The following TEX15 variants were observed in gnomAD, a reference collection of about 807,000 sequenced individuals.
The protein encoded by TEX15 is testis-expressed protein 15.
Under a neutral mutation model 237.3 loss-of-function variants are expected in TEX15, and 171 were observed. The observed-to-expected ratio is 0.72, with a 90% CI of 0.64 to 0.82. The LOEUF (loss-of-function observed/expected upper bound fraction) is 0.82. Ranked by LOEUF, TEX15 falls within the 40% of genes least tolerant of loss-of-function variation. TEX15 has a pLI of 0.00. For missense variants in TEX15, 3,750 were observed against 3,646.5 expected (o/e 1.03, Z -0.73); for synonymous variants, 1,338 against 1,269.8 (o/e 1.05, Z -1.14).
chr8:30,858,585 A>G (rs543254628), intron 7 of TEX15, 83 bp downstream of exon 7: 2 of 1,233,880 alleles, frequency 1.6e-6, no homozygotes, highest in South Asian at 3.1e-5. Flanking sequence ...GGTGTGAACC[A>G]TTGTGTCCAG....
chr8:30,891,301 C>T (rs956452918), intron 2 of TEX15, among the ~76,000 whole-genome samples: 2 of 151,990 alleles, frequency 1.3e-5, no homozygotes, highest in Non-Finnish European at 2.9e-5. Context: ...GGATTACAGG[C>T]ACATGCCAAC....
In TEX15 at chr8:30,847,463, T is replaced by C. The variant is rs748905703; in HGVS notation, c.2704A>G (p.Lys902Glu). 1 of 1,612,130 alleles carries C rather than the reference T, an allele frequency of 6.2e-7. No individual in the cohort carries two copies. Among genetic ancestry groups the C allele is most frequent in the Non-Finnish European group, 8.5e-7 (1 of 1,179,562 alleles). Residue 902 changes from lysine to glutamate, a missense_variant, in exon 8 of 11, where the codon AAG (lysine) becomes GAG (glutamate). Physicochemically the swap from Lys to Glu is moderately conservative, Grantham distance 56. Coordinates refer to ENST00000643185, the MANE Select transcript of TEX15 (RefSeq NM_001350162.2). ...ATATTGTGGTAATTTTTGTCCTCCT[T>C]TTCATCTATATTGCTGAAATTTTCG... is the stretch of plus-strand genomic sequence containing the variant. ...TNENFSNIDE[K>E]EDKNYHNIEI... is the part of the protein sequence containing the mutation.
chr8:30,833,399 C>A, intron 10 of TEX15, 76 bp from the exon 11 acceptor site: 1 of 1,164,958 alleles, frequency 8.6e-7, no homozygotes, highest in Admixed American at 2.4e-5. Flanking sequence ...TGGAAAGAAC[C>A]TGAGTTTAAA....
intron 1 of TEX15, among the ~76,000 whole-genome samples, chr8:30,905,268 A>G (rs897950415): frequency 1.5e-4 from 23 of 151,850 alleles, no homozygotes; most frequent in African/African-American, 5.3e-4. Flanking sequence ...AGACTTCAAA[A>G]AAAAAAAAAA....
intron 8 of TEX15, 130 bp downstream of exon 8, chr8:30,841,874 T>C: frequency 1.8e-6 from 1 of 569,128 alleles, no homozygotes; most frequent in Non-Finnish European, 3.0e-6. Flanking sequence ...ATATTATAGT[T>C]AGTAAATTCA....
Position 30,842,681 on chromosome 8 carries a change from A to T in TEX15, c.7486T>A (p.Ser2496Thr). 2 of 1,612,948 alleles carry T rather than the reference A, an allele frequency of 1.2e-6. No individual in the cohort carries two copies. Among genetic ancestry groups the T allele is most frequent in the Non-Finnish European group, 1.7e-6 (2 of 1,179,830 alleles). ...VQCQEKMASFSFLKDNSTDVC... is the reference protein window; with the variant it reads ...VQCQEKMASFTFLKDNSTDVC... ...TCTGTTGAGTTATCTTTAAGAAATG[A>T]AAAAGAAGCCATTTTTTCTTGGCAC... The change falls in exon 8 of 11, where the codon TCA becomes ACA. Residue 2496 changes from serine to threonine, a missense_variant. Transcript: ENST00000643185.
intron 2 of TEX15, among the ~76,000 whole-genome samples, chr8:30,895,938 C>CA (rs1282493478): frequency 6.6e-6 from 1 of 152,116 alleles, no homozygotes; most frequent in Non-Finnish European, 1.5e-5. Flanking sequence ...CTTGGCCTCC[C>CA]AAAGTGCTGA....
chr8:30,840,098 C>T, intron 8 of TEX15, 134 bp from the exon 9 acceptor site: 1 of 474,234 alleles, frequency 2.1e-6, no homozygotes, highest in Non-Finnish European at 3.6e-6. Flanking sequence ...TAATTATCAC[C>T]TCCCTGCAGA....
In TEX15 at chr8:30,837,884, G is replaced by C; in HGVS notation, c.8400C>G (p.Asp2800Glu). Reference protein sequence around the residue: ...TCASKSESKIDLTVSSDHFSG... With the variant: ...TCASKSESKIELTVSSDHFSG... ...TGAAGTGATCAGATGAAACAGTTAA[G>C]TCTATTTTGCTTTCCGACTTTGATG... is the stretch of plus-strand genomic sequence containing the variant. The change falls in exon 10 of 11, where the codon GAC (aspartate) becomes GAG (glutamate). Residue 2800 changes from aspartate (D) to glutamate (E), a missense_variant. Transcript: ENST00000643185. The C allele has an allele frequency of 6.2e-7, 1 of 1,614,130 alleles. No homozygotes were observed. Among genetic ancestry groups the C allele is most frequent in the Non-Finnish European group, 8.5e-7 (1 of 1,180,018 alleles).
chr8:30,845,781 T>C lies in TEX15; in HGVS notation c.4386A>G (p.Lys1462=), dbSNP rs1303058453. Residue 1462 remains lysine (K), a synonymous_variant, in exon 8 of 11, where the codon AAA becomes AAG. Transcript: ENST00000643185. ...GGGTTAATGATTTAGAAATATCAGC[T>C]TTTGGAGCTCTTTTCTTTCTCCGTT... ...YDKRRKKRAP[K]ADISKSLTHV... is the part of the protein sequence containing the mutation. 3.1e-6 allele frequency: 5 copies of C among 1,611,790 alleles called. No homozygotes were observed. The highest frequency in any genetic ancestry group is 3.4e-6 in the Non-Finnish European group (4 of 1,179,270).
chr8:30,876,323 C>T (rs181076598), intron 3 of TEX15, among the ~76,000 whole-genome samples: 2 of 152,296 alleles, frequency 1.3e-5, no homozygotes, highest in African/African-American at 4.8e-5. Flanking sequence ...TTTCATATTG[C>T]ATCTATCACC....
chr8:30,880,609 T>C (rs1191723967), intron 3 of TEX15, among the ~76,000 whole-genome samples: 3 of 152,256 alleles, frequency 2.0e-5, no homozygotes, highest in African/African-American at 7.2e-5. Flanking sequence ...TATGATTTTC[T>C]TAGTAACATT....
intron 9 of TEX15, among the ~76,000 whole-genome samples, chr8:30,839,085 G>A (rs1356175403): frequency 6.6e-6 from 1 of 151,856 alleles, no homozygotes; most frequent in Non-Finnish European, 1.5e-5. Context: ...CAAAGTGCAG[G>A]GATTACAGGC....
chr8:30,895,656 C>G (rs1172770029), intron 2 of TEX15, among the ~76,000 whole-genome samples: 1 of 132,834 alleles, frequency 7.5e-6, no homozygotes, highest in East Asian at 2.2e-4. Flanking sequence ...GTTTACATGT[C>G]AACACCTTTT....
chr8:30,833,017 T>C lies in TEX15; in HGVS notation c.*269A>G, dbSNP rs1049831132. On this transcript the variant is annotated 3_prime_UTR_variant, in exon 11 of 11. Transcript: ENST00000643185. ...AAACATATCAGAAGCAAGAATCTAG[T>C]TTTAAAGATTTTACCACTATTGCTT... The C allele has an allele frequency of 2.2e-5, 6 of 272,312 alleles. No individual in the cohort carries two copies. Among genetic ancestry groups the C allele is most frequent in the Non-Finnish European group, 4.1e-5 (6 of 146,000 alleles). 16.9% of individuals were successfully genotyped at this position (272,312 alleles called of 1,614,324 possible). A position where few individuals can be genotyped will look rare whatever the true frequency, so the allele number is the denominator to read the frequency against.
At chr8:30,902,966 G>GA (rs1809033868) in intron 1 of TEX15, among the ~76,000 whole-genome samples, 1 of 152,170 alleles carries the variant, frequency 6.6e-6, no homozygotes, top group Admixed American at 6.5e-5. Context: ...GCCCCTCAGG[G>GA]AAAAGGCAAG....
At chr8:30,898,511 C>T (rs1808948936) in intron 2 of TEX15, among the ~76,000 whole-genome samples, 1 of 152,154 alleles carries the variant, frequency 6.6e-6, no homozygotes, top group Non-Finnish European at 1.5e-5. Context: ...TTATGAGTTA[C>T]CCAGTTTATA....
intron 3 of TEX15, among the ~76,000 whole-genome samples, chr8:30,885,019 CT>C (rs1808614680): frequency 6.6e-6 from 1 of 152,012 alleles, no homozygotes; most frequent in Admixed American, 6.6e-5. Context: ...TTTTGTTTTC[CT>C]TTTCATTTAG....
intron 3 of TEX15, among the ~76,000 whole-genome samples, chr8:30,879,949 A>G (rs1052564911): frequency 5.3e-5 from 8 of 150,628 alleles, no homozygotes; most frequent in African/African-American, 1.5e-4. Context: ...AAAAAAAAAA[A>G]TCAGTATTTT....
Sources: gnomAD v4.1 joint callset for allele counts (sites outside exome capture counted in the v4.1 genomes callset) on GRCh38, gnomAD v4.1.1 for gene constraint, MANE v1.5 for transcripts, NCBI Gene and HGNC (gene_info 2026-07-23, HGNC 2026-07-21) for gene names.